The following CHD6 variants were observed in gnomAD, a reference collection of about 807,000 sequenced individuals.
CHD6 encodes ATP-dependent chromatin remodeler CHD6.
A neutral mutation model predicts 276.9 loss-of-function variants in CHD6; 50 were observed. The observed-to-expected ratio is 0.18, with a 90% CI of 0.14 to 0.23. CHD6 has a LOEUF of 0.23. Among genes scored for constraint, CHD6 ranks in the 10% least tolerant of loss-of-function variants. CHD6 has a pLI of 1.00. For missense variants in CHD6, 2,564 were observed against 3,365.8 expected (o/e 0.76, Z 5.89); for synonymous variants, 1,173 against 1,229.3 (o/e 0.95, Z 0.96).
At chr20:41,468,563 T>C (rs1404489795) in intron 17 of CHD6, among the ~76,000 whole-genome samples, 1 of 152,236 alleles carries the variant, frequency 6.6e-6, no homozygotes, top group Non-Finnish European at 1.5e-5. Context: ...ATACTTTAAG[T>C]AACACCTGGC....
At chr20:41,572,025 C>CTG (rs1165684764) in intron 1 of CHD6, among the ~76,000 whole-genome samples, 9 of 152,232 alleles carry the variant, frequency 5.9e-5, no homozygotes, top group African/African-American at 2.2e-4. Context: ...ATTATGTAAT[C>CTG]TGTGTTCTTG....
chr20:41,461,024 T>C (rs2048530410), intron 17 of CHD6, among the ~76,000 whole-genome samples: 1 of 152,162 alleles, frequency 6.6e-6, no homozygotes, highest in Admixed American at 6.5e-5. Flanking sequence ...AGACCTGAAG[T>C]CAAAGGAGAT....
At chr20:41,430,152 T>G (rs2047490653) in intron 27 of CHD6, among the ~76,000 whole-genome samples, 1 of 152,212 alleles carries the variant, frequency 6.6e-6, no homozygotes, top group Non-Finnish European at 1.5e-5. Context: ...GGTTTTAGCA[T>G]GCAGACTAGA....
In CHD6 at chr20:41,417,308, T is replaced by C. The variant is rs2047031068; in HGVS notation, c.6169A>G (p.Thr2057Ala). The part of the protein sequence containing the change: ...KYSEEESKSS[T>A]SGITGDIGDE... ...CCAATGTCTCCTGTGATGCCCGATG[T>C]TGAGCTCTTGCTCTCCTCTTCAGAG... The change falls in exon 32 of 37, where the codon ACA becomes GCA. Residue 2057 changes from threonine to alanine, a missense_variant. Thr to Ala is a moderately conservative substitution (Grantham distance 58). Coordinates refer to ENST00000373233, the MANE Select transcript of CHD6 (RefSeq NM_032221.5). 6.2e-7 allele frequency: 1 copy of C among 1,614,096 alleles called. No individual in the cohort carries two copies. The highest frequency in any genetic ancestry group is 8.5e-7 in the Non-Finnish European group (1 of 1,180,044).
At chr20:41,491,955 G>A (rs763529432) in intron 10 of CHD6, 136 bp from the exon 11 acceptor site, 60 of 903,434 alleles carry the variant, frequency 6.6e-5, no homozygotes, top group Non-Finnish European at 9.1e-5. Context: ...TCTGAGTAAC[G>A]TATAGGTTGG....
At chr20:41,407,489 C>A (rs1348030774) in intron 36 of CHD6, among the ~76,000 whole-genome samples, 4 of 152,264 alleles carry the variant, frequency 2.6e-5, no homozygotes, top group Non-Finnish European at 5.9e-5. Flanking sequence ...GTTAAGAAAT[C>A]TATTTACAAT....
Position 41,421,386 on chromosome 20 carries a change from G to A in CHD6, c.5249C>T (p.Pro1750Leu), listed in dbSNP as rs2047186370. ...SKDGNCQSGG[P>L]EAEIASGPTF... ...AGGGCCAGAAGCTATTTCTGCCTCAGGGCCACCAGACTGGCAGTTCCCATC... is the reference window on the plus strand; with the variant it reads ...AGGGCCAGAAGCTATTTCTGCCTCAAGGCCACCAGACTGGCAGTTCCCATC... Residue 1750 changes from proline (P) to leucine (L), a missense_variant, in exon 31 of 37, where the codon CCT becomes CTT. Physicochemically the swap from Pro to Leu is moderately conservative, Grantham distance 98. Around this residue, in one of 7 missense-constraint regions of CHD6, gnomAD observed 1,024 missense variants for 1,047.9 expected, o/e 0.98. Transcript: ENST00000373233. The A allele has an allele frequency of 6.2e-7, 1 of 1,614,014 alleles. No individual in the cohort carries two copies. The highest frequency in any genetic ancestry group is 1.1e-5 in the South Asian group (1 of 91,052).
At chr20:41,491,155 C>T (rs978164512) in intron 11 of CHD6, among the ~76,000 whole-genome samples, 3 of 151,890 alleles carry the variant, frequency 2.0e-5, no homozygotes, top group Admixed American at 2.0e-4. Flanking sequence ...ATTTTTTCTT[C>T]AATAATAAAT....
At chr20:41,596,680 A>C (rs1052268102) in intron 1 of CHD6, among the ~76,000 whole-genome samples, 1 of 152,160 alleles carries the variant, frequency 6.6e-6, no homozygotes, top group Non-Finnish European at 1.5e-5. Context: ...CCGAGCATTT[A>C]ATATACAGCA....
chr20:41,415,722 A>G, intron 33 of CHD6, 84 bp from the exon 34 acceptor site: 1 of 1,026,208 alleles, frequency 9.7e-7, no homozygotes, highest in South Asian at 1.6e-5. Context: ...TGATTTCCCT[A>G]GGCCTCATAT....
chr20:41,460,998 G>C (rs1301945701), intron 17 of CHD6, among the ~76,000 whole-genome samples: 1 of 152,242 alleles, frequency 6.6e-6, no homozygotes, highest in Non-Finnish European at 1.5e-5. Flanking sequence ...TCTTGCATCA[G>C]CATGACCTGA....
chr20:41,618,156 C>T (rs1287973704), intron 1 of CHD6, among the ~76,000 whole-genome samples, 184 bp downstream of exon 1: 2 of 150,334 alleles, frequency 1.3e-5, no homozygotes, highest in African/African-American at 2.4e-5. Context: ...TCCGCCAGGC[C>T]GCCCGCCCGC....
At chr20:41,488,078 G>T (rs1277014766) in intron 13 of CHD6, among the ~76,000 whole-genome samples, 2 of 152,116 alleles carry the variant, frequency 1.3e-5, no homozygotes, top group Admixed American at 1.3e-4. Context: ...ACCAGATACT[G>T]GGCACTGTGC....
chr20:41,471,726 G>A (rs1478603614), intron 17 of CHD6, among the ~76,000 whole-genome samples: 2 of 151,764 alleles, frequency 1.3e-5, no homozygotes, highest in African/African-American at 2.4e-5. Context: ...TAGTAGAGAC[G>A]GGGTTTCACT....
chr20:41,579,172 C>G (rs1167799124), intron 1 of CHD6, among the ~76,000 whole-genome samples: 1 of 145,920 alleles, frequency 6.9e-6, no homozygotes, highest in African/African-American at 2.6e-5. Context: ...TGTGGTGACT[C>G]ACGCCTGTAA....
chr20:41,481,739 T>C (rs769712356), intron 16 of CHD6, among the ~76,000 whole-genome samples: 89 of 152,214 alleles, frequency 5.8e-4, no homozygotes, highest in Middle Eastern at 3.4e-3. Flanking sequence ...TATTCATTTA[T>C]AGAGTCCCTT....
intron 1 of CHD6, among the ~76,000 whole-genome samples, chr20:41,553,209 G>A (rs1240427748): frequency 2.0e-5 from 3 of 152,142 alleles, no homozygotes; most frequent in African/African-American, 7.2e-5. Flanking sequence ...GAAAATTCCA[G>A]CTAATAAAAA....
chr20:41,416,265 C>A (rs556087611), intron 33 of CHD6, among the ~76,000 whole-genome samples: 1 of 152,100 alleles, frequency 6.6e-6, no homozygotes, highest in Non-Finnish European at 1.5e-5. Context: ...CAGTTCCCCC[C>A]TATCTTTGTA....
At chr20:41,617,995 G>C (rs1001225135) in intron 1 of CHD6, among the ~76,000 whole-genome samples, 1 of 145,942 alleles carries the variant, frequency 6.9e-6, no homozygotes, top group Non-Finnish European at 1.5e-5. Flanking sequence ...GCCCGCGGCC[G>C]GGGTCTGCCC....
Sources: allele counts gnomAD v4.1 joint callset (sites outside exome capture counted in the v4.1 genomes callset), GRCh38; gene constraint gnomAD v4.1.1; regional missense constraint gnomAD v4.1.1; transcripts MANE v1.5; gene names NCBI Gene and HGNC (gene_info 2026-07-23, HGNC 2026-07-21).